Variants in CHRM3 observed in about 807,000 individuals in gnomAD.
CHRM3 encodes cholinergic receptor muscarinic 3.
A neutral mutation model predicts 41.8 loss-of-function variants in CHRM3; 11 were observed. The ratio of observed to expected loss-of-function variants is 0.26; its 90% CI spans 0.17 to 0.44. The LOEUF (loss-of-function observed/expected upper bound fraction) is 0.44. Among genes scored for constraint, CHRM3 ranks in the 20% least tolerant of loss-of-function variants. The probability of loss-of-function intolerance (pLI) is 1.00; values close to 1 mark genes in which losing one functional copy is unlikely to be tolerated. For missense variants in CHRM3, 571 were observed against 745.4 expected (o/e 0.77, Z 2.72); for synonymous variants, 297 against 301.4 (o/e 0.99, Z 0.15).
At chr1:239,792,054 A>C (rs1669397554) in intron 5 of CHRM3, among the ~76,000 whole-genome samples, 1 of 152,202 alleles carries the variant, frequency 6.6e-6, no homozygotes, top group Admixed American at 6.5e-5. Context: ...TGGTTTCCTC[A>C]TTACCCTGCA....
At chr1:239,426,513 A>C (rs980767189) in intron 1 of CHRM3, among the ~76,000 whole-genome samples, 5 of 151,910 alleles carry the variant, frequency 3.3e-5, no homozygotes, top group African/African-American at 1.2e-4. Context: ...CCAAACCAAA[A>C]CAAAATTAAG....
At chr1:239,608,284 G>A (rs1666589137) in intron 3 of CHRM3, among the ~76,000 whole-genome samples, 1 of 152,156 alleles carries the variant, frequency 6.6e-6, no homozygotes, top group African/African-American at 2.4e-5. Context: ...GTAGGATGCA[G>A]CCCAAGTATT....
intron 3 of CHRM3, among the ~76,000 whole-genome samples, chr1:239,551,010 A>G (rs1343208891): frequency 6.6e-6 from 1 of 151,986 alleles, no homozygotes; most frequent in Non-Finnish European, 1.5e-5. Flanking sequence ...TAAAGTATAC[A>G]TATTAAAGCA....
Position 239,536,025 on chromosome 1 carries a change from G to T in CHRM3, c.-421-9616G>T, listed in dbSNP as rs149434832. 7.9e-5 allele frequency among the ~76,000 whole-genome samples: 12 copies of T among 152,284 alleles called. 1 individual carries two copies. The highest frequency in any genetic ancestry group is 2.9e-4 in the African/African-American group (12 of 41,564). On this transcript the variant is annotated intron_variant, in intron 2 of 6. Coordinates refer to ENST00000676153, the MANE Select transcript of CHRM3 (RefSeq NM_001375978.1). ...CTGCAAGCCAGCTGAGGGTGTGAAA[G>T]GGTACTATTTAAGCCCCTTCATTGT...
intron 5 of CHRM3, among the ~76,000 whole-genome samples, chr1:239,712,735 G>A (rs1032329850): frequency 6.6e-6 from 1 of 152,114 alleles, no homozygotes; most frequent in Non-Finnish European, 1.5e-5. Context: ...CTAATAAATA[G>A]TGTTTCTCTT....
Position 239,417,587 on chromosome 1 carries a change from T to G in CHRM3, c.-521+30360T>G, listed in dbSNP as rs866032705. On this transcript the variant is annotated intron_variant, in intron 1 of 6. Transcript: ENST00000676153. ...ATAGGTAAGATTAATTTGTTTTTTT[T>G]TTTTTTTTTGCTTTTTCTCTTAATT... 6.2e-3 allele frequency among the ~76,000 whole-genome samples: 946 copies of G among 151,522 alleles called. 14 individuals are homozygous for G. The highest frequency in any genetic ancestry group is 0.022 in the African/African-American group (892 of 41,380).
At chr1:239,456,758 A>G (rs992905118) in intron 1 of CHRM3, among the ~76,000 whole-genome samples, 3 of 152,144 alleles carry the variant, frequency 2.0e-5, no homozygotes, top group African/African-American at 4.8e-5. Flanking sequence ...GTGGCCTGGC[A>G]TGAATGCCAC....
chr1:239,700,248 A>G (rs1660563274), intron 5 of CHRM3, among the ~76,000 whole-genome samples: 1 of 152,148 alleles, frequency 6.6e-6, no homozygotes, highest in African/African-American at 2.4e-5. Context: ...CTCAGCTTTC[A>G]AAAGGATCTT....
chr1:239,906,383 G>A (rs1679967026), intron 6 of CHRM3, among the ~76,000 whole-genome samples: 1 of 152,034 alleles, frequency 6.6e-6, no homozygotes, highest in African/African-American at 2.4e-5. Flanking sequence ...ATCAAACTTT[G>A]AACTCATAGA....
chr1:239,876,766 G>T (rs1677142541), intron 6 of CHRM3, among the ~76,000 whole-genome samples: 1 of 152,150 alleles, frequency 6.6e-6, no homozygotes, highest in Non-Finnish European at 1.5e-5. Context: ...GGCCTTTGGG[G>T]TATGCTATAT....
chr1:239,784,341 A>G (rs1668730079), intron 5 of CHRM3, among the ~76,000 whole-genome samples: 1 of 152,000 alleles, frequency 6.6e-6, no homozygotes, highest in Admixed American at 6.6e-5. Flanking sequence ...ACTTTCAGTC[A>G]TTTTAATTGA....
intron 5 of CHRM3, among the ~76,000 whole-genome samples, chr1:239,753,305 C>T (rs1665981413): frequency 2.0e-5 from 3 of 152,206 alleles, no homozygotes; most frequent in Middle Eastern, 3.4e-3. Context: ...AGTCCATTCT[C>T]ACACTGCTAT....
At chr1:239,586,445 T>G (rs2148614300) in intron 3 of CHRM3, among the ~76,000 whole-genome samples, 1 of 152,262 alleles carries the variant, frequency 6.6e-6, no homozygotes, top group Non-Finnish European at 1.5e-5. Context: ...GTCAGGGCTT[T>G]GAATACTCAT....
intron 3 of CHRM3, among the ~76,000 whole-genome samples, chr1:239,562,608 G>A (rs1177156927): frequency 2.0e-5 from 3 of 151,982 alleles, no homozygotes; most frequent in African/African-American, 7.3e-5. Context: ...TAAAGCGTTG[G>A]GTCAGGCTTG....
In CHRM3 at chr1:239,914,845, A is replaced by G. The variant is rs1010111661; in HGVS notation, c.*5621A>G. The G allele has an allele frequency of 1.2e-5, 2 of 166,892 alleles. No homozygotes were observed. The highest frequency in any genetic ancestry group is 2.9e-5 in the Non-Finnish European group (2 of 68,120). 10.3% of individuals were successfully genotyped at this position (166,892 alleles called of 1,614,324 possible). A position where few individuals can be genotyped will look rare whatever the true frequency, so the allele number is the denominator to read the frequency against. On this transcript the variant is annotated 3_prime_UTR_variant, in exon 7 of 7. Transcript: ENST00000676153. ...AATCCTTTATCCTGTTCTGCAAGCA[A>G]TCAAACACATGATCTCCCTTCTAGC...
Position 239,914,563 on chromosome 1 carries a change from C to A in CHRM3, c.*5339C>A, listed in dbSNP as rs941311891. On this transcript the variant is annotated 3_prime_UTR_variant, in exon 7 of 7. Transcript: ENST00000676153. ...CCAAAGAGGAAAAAGAAAATTAACT[C>A]TGTTTTTTATCCCTAGAACTCAGAA... is the stretch of plus-strand genomic sequence containing the variant. 5 of 166,996 alleles carry A rather than the reference C, an allele frequency of 3.0e-5. No individual in the cohort carries two copies. Among genetic ancestry groups the A allele is most frequent in the African/African-American group, 1.2e-4 (5 of 41,438 alleles). 10.3% of individuals were successfully genotyped at this position (166,996 alleles called of 1,614,324 possible).
chr1:239,515,270 T>C (rs1177985942), intron 2 of CHRM3, among the ~76,000 whole-genome samples: 1 of 151,390 alleles, frequency 6.6e-6, no homozygotes, highest in Non-Finnish European at 1.5e-5. Flanking sequence ...GGACTGCATG[T>C]GGCTTATAAA....
At chr1:239,524,993 A>C (rs549281104) in intron 2 of CHRM3, among the ~76,000 whole-genome samples, 1 of 152,312 alleles carries the variant, frequency 6.6e-6, no homozygotes, top group African/African-American at 2.4e-5. Context: ...CTGTTAAAAT[A>C]TCCTTTACAA....
intron 3 of CHRM3, among the ~76,000 whole-genome samples, chr1:239,608,699 A>G (rs1666651855): frequency 6.6e-6 from 1 of 152,214 alleles, no homozygotes; most frequent in South Asian, 2.1e-4. Flanking sequence ...ACGAAGGTCA[A>G]CATTTGTGGG....
Sources: gnomAD v4.1 joint callset for allele counts (sites outside exome capture counted in the v4.1 genomes callset) on GRCh38, gnomAD v4.1.1 for gene constraint, MANE v1.5 for transcripts, NCBI Gene and HGNC (gene_info 2026-07-23, HGNC 2026-07-21) for gene names.